The following COL16A1 variants were observed in gnomAD, a reference collection of about 807,000 sequenced individuals.
The protein encoded by COL16A1 is collagen type XVI alpha 1 chain, also known as collagen alpha-1(XVI) chain.
COL16A1 carries 189 observed loss-of-function variants against 266.3 expected under a neutral mutation model. The observed-to-expected ratio is 0.71, with a 90% confidence interval of 0.63 to 0.80. COL16A1 has a LOEUF of 0.80. Ranked by LOEUF, COL16A1 falls within the 30% of genes least tolerant of loss-of-function variation. The probability of loss-of-function intolerance (pLI) is 0.00; values close to 1 mark genes in which losing one functional copy is unlikely to be tolerated. For synonymous variants in COL16A1, 740 were observed against 782.3 expected, an observed-to-expected ratio of 0.95 and a Z score of 0.90; for missense variants, 1,928 against 2,122.4, an observed-to-expected ratio of 0.91 and a Z score of 1.80.
intron 44 of COL16A1, among the ~76,000 whole-genome samples, chr1:31,673,480 C>T (rs1456659066): frequency 1.3e-5 from 2 of 152,328 alleles, no homozygotes; most frequent in East Asian, 1.9e-4. Flanking sequence ...CTCAGGAGCC[C>T]GGAGCCTGTT....
In COL16A1 at chr1:31,668,767, C is replaced by T. The variant is rs778563299; in HGVS notation, c.3249+35G>A. 3.1e-6 allele frequency: 5 copies of T among 1,613,082 alleles called. No homozygotes were observed. In the Admixed American group the frequency reaches 8.3e-5, roughly 27 times the overall value. ...TGCCTCCCCAGCTCTTCCTCCCTTT[C>T]CAGCCCTTTCCAGCCCCTGCCAGCT... On this transcript the variant is annotated intron_variant, in intron 50 of 70. Transcript: ENST00000373672. The surrounding 1 kb of genome is among the most constrained non-coding windows in gnomAD (Gnocchi z 5.8).
Position 31,663,497 on chromosome 1 carries a change from G to C in COL16A1, c.3556-839C>G, listed in dbSNP as rs926420884. On this transcript the variant is annotated intron_variant, in intron 56 of 70. Coordinates refer to ENST00000373672, the MANE Select transcript of COL16A1 (RefSeq NM_001856.4). The surrounding 1 kb of genome is among the most constrained non-coding windows in gnomAD (Gnocchi z 4.9). ...CAGAAGAGGCTGGAAGAGTCACCAT[G>C]ATGAGTGGGGGCCCTGAACGCTGTG... is the stretch of plus-strand genomic sequence containing the variant. 2 of 152,264 alleles carry C rather than the reference G, an allele frequency of 1.3e-5. No homozygotes were observed. Among genetic ancestry groups the C allele is most frequent in the Non-Finnish European group, 2.9e-5 (2 of 68,116 alleles). 9.4% of individuals were successfully genotyped at this position (152,264 alleles called of 1,614,324 possible). A position where few individuals can be genotyped will look rare whatever the true frequency, so the allele number is the denominator to read the frequency against.
chr1:31,659,765 AAG>A (rs916555735), intron 62 of COL16A1: 3 of 152,104 alleles, frequency 2.0e-5, no homozygotes, highest in African/African-American at 4.8e-5. Flanking sequence ...GGACACACGG[AAG>A]AGAGAGGCGG....
chr1:31,669,842 G>A (rs546455887), intron 49 of COL16A1: 4 of 152,546 alleles, frequency 2.6e-5, no homozygotes, highest in South Asian at 2.1e-4. Flanking sequence ...AGCAATTAAC[G>A]ACACCTGGCA....
At position 31,683,735 on chromosome 1, in the gene COL16A1, G is replaced by A. The variant is rs1643817015; in HGVS notation, c.2351C>T (p.Pro784Leu). The stretch of plus-strand genomic sequence containing the variant: ...GGGTCCCTGGACTCCCCTTCCTGGA[G>A]GCCCTGGCTCTCCCTGAAGAGGCAG... ...GLKGVQGEPG[P>L]PGRGVQGPQG... Residue 784 changes from proline (P) to leucine (L), a missense_variant, in exon 34 of 71, where the codon CCT (proline) becomes CTT (leucine). Pro to Leu is a moderately conservative substitution (Grantham distance 98, BLOSUM62 -3). Transcript: ENST00000373672. 6.2e-7 allele frequency: 1 copy of A among 1,614,126 alleles called. No individual in the cohort carries two copies. Among genetic ancestry groups the A allele is most frequent in the Non-Finnish European group, 8.5e-7 (1 of 1,180,010 alleles).
chr1:31,679,729 C>A, intron 41 of COL16A1, 44 bp from the exon 42 acceptor site: 6 of 1,612,064 alleles, frequency 3.7e-6, no homozygotes, highest in Non-Finnish European at 5.1e-6. Context: ...AGAGCTCTGC[C>A]CCATGGCCGA....
Position 31,670,585 on chromosome 1 carries a change from C to A in COL16A1, c.3195+17G>T. On this transcript the variant is annotated intron_variant, in intron 49 of 70. Coordinates refer to ENST00000373672, the MANE Select transcript of COL16A1 (RefSeq NM_001856.4). This position sits in a 1 kb window ranked among gnomAD's most constrained non-coding sequence, Gnocchi z 4.5. ...CTGACGGGGGGGAGGGGAGGTCGAGCAGCGCTAGGTTCTTACAGGCAATCC... is the reference window on the plus strand; with the variant it reads ...CTGACGGGGGGGAGGGGAGGTCGAGAAGCGCTAGGTTCTTACAGGCAATCC... 1 of 1,374,416 alleles carries A rather than the reference C, an allele frequency of 7.3e-7. No homozygotes were observed. The highest frequency in any genetic ancestry group is 9.4e-7 in the Non-Finnish European group (1 of 1,060,472). The allele number at this position is 1,374,416 out of a possible 1,614,324, so 85.1% of individuals were successfully genotyped here.
Position 31,702,329 on chromosome 1 carries a change from T to C in COL16A1, c.-34-102A>G, listed in dbSNP as rs569420238. ...AGCCTGTGGGGCCCAGGCACTGGTA[T>C]TGGGGTGGCAGGAGGTCTGGCCAGG... On this transcript the variant is annotated intron_variant, in intron 1 of 70. Transcript: ENST00000373672. 470 of 1,239,912 alleles carry C rather than the reference T, an allele frequency of 3.8e-4. 3 individuals carry two copies. The African/African-American group carries it at 5.7e-3, about 15-fold the overall frequency. 76.8% of individuals were successfully genotyped at this position (1,239,912 alleles called of 1,614,324 possible). A position where few individuals can be genotyped will look rare whatever the true frequency, so the allele number is the denominator to read the frequency against.
intron 64 of COL16A1, among the ~76,000 whole-genome samples, chr1:31,658,069 C>T (rs778142468): frequency 2.0e-5 from 3 of 152,252 alleles, no homozygotes; most frequent in Admixed American, 6.5e-5. Flanking sequence ...GATATATCAG[C>T]GCTCTTAGTG....
In COL16A1 at chr1:31,685,230, G is replaced by GTGA. The variant is rs1013621508; in HGVS notation, c.2017-377_2017-375dup. Among the ~76,000 whole-genome samples, 1 of 152,198 alleles carries GTGA rather than the reference G, an allele frequency of 6.6e-6. No individual in the cohort carries two copies. Among genetic ancestry groups the GTGA allele is most frequent in the African/African-American group, 2.4e-5 (1 of 41,430 alleles). ...GGCCGTTACTGTGAAAGCAGTAACA[G>GTGA]TGATAATAACCACAGTGGTAACTGC... is the stretch of plus-strand genomic sequence containing the variant. On this transcript the variant is annotated intron_variant, in intron 29 of 70. Coordinates refer to ENST00000373672, the MANE Select transcript of COL16A1 (RefSeq NM_001856.4). This position sits in a 1 kb window ranked among gnomAD's most constrained non-coding sequence, Gnocchi z 4.0.
chr1:31,665,640 A>G, intron 54 of COL16A1, 22 bp from the exon 55 acceptor site: 1 of 1,612,242 alleles, frequency 6.2e-7, no homozygotes, highest in Non-Finnish European at 8.5e-7. Flanking sequence ...AGCAAGGGGC[A>G]GTGTGCTGTG....
intron 64 of COL16A1, 111 bp downstream of exon 64, chr1:31,658,377 C>A (rs1319739095): frequency 2.1e-6 from 2 of 936,960 alleles, no homozygotes; most frequent in Middle Eastern, 2.1e-4. Context: ...TCCTGCCATG[C>A]TGACAGCCTC....
chr1:31,680,150 T>C (rs1473281593), intron 39 of COL16A1, 49 bp from the exon 40 acceptor site: 1 of 1,595,054 alleles, frequency 6.3e-7, no homozygotes, highest in Non-Finnish European at 8.5e-7. Flanking sequence ...CGAAGGGCTC[T>C]CTTGAAATGG....
Position 31,698,565 on chromosome 1 carries a change from A to C in COL16A1, c.308T>G (p.Val103Gly), listed in dbSNP as rs1434809991. ...PRGLPEEFAL[V>G]LTLLLKKHTH... is the part of the protein sequence containing the mutation. ...GTGTTTCTTCAGCAGTAGTGTCAGC[A>C]CCAGGGCAAACTCCTCCGGGAGACC... The change falls in exon 5 of 71, where the codon GTG becomes GGG. Residue 103 changes from valine (V) to glycine (G), a missense_variant. Val to Gly is a moderately radical substitution (Grantham distance 109, BLOSUM62 -3). Coordinates refer to ENST00000373672, the MANE Select transcript of COL16A1 (RefSeq NM_001856.4). This position sits in a 1 kb window ranked among gnomAD's most constrained non-coding sequence, Gnocchi z 4.1. The C allele has an allele frequency of 6.2e-7, 1 of 1,614,022 alleles. No individual in the cohort carries two copies. The highest frequency in any genetic ancestry group is 2.2e-5 in the East Asian group (1 of 44,868).
At chr1:31,696,179 G>A (rs1299461949) in intron 8 of COL16A1, 38 bp from the exon 9 acceptor site, 1 of 1,600,314 alleles carries the variant, frequency 6.2e-7, no homozygotes. Flanking sequence ...TTGAGGAGGG[G>A]GAAGTTCTGG....
chr1:31,666,774 C>G (rs769063064), intron 52 of COL16A1, among the ~76,000 whole-genome samples: 15 of 152,134 alleles, frequency 9.9e-5, no homozygotes, highest in Non-Finnish European at 1.9e-4. Flanking sequence ...CTCAGAGAGG[C>G]CTTCCTGCCC....
At chr1:31,696,550 C>G (rs1300951030) in intron 8 of COL16A1, among the ~76,000 whole-genome samples, 2 of 152,244 alleles carry the variant, frequency 1.3e-5, no homozygotes, top group African/African-American at 4.8e-5. Context: ...CTGGCCCTGG[C>G]CGGCGCTGGG....
chr1:31,679,914 C>G, intron 40 of COL16A1, 63 bp from the exon 41 acceptor site: 2 of 1,532,746 alleles, frequency 1.3e-6, no homozygotes, highest in Non-Finnish European at 1.8e-6. Flanking sequence ...ACACCAAGCG[C>G]GGGGCTGCGT....
intron 44 of COL16A1, among the ~76,000 whole-genome samples, chr1:31,673,754 G>A (rs1005807204): frequency 6.6e-6 from 1 of 152,282 alleles, no homozygotes; most frequent in African/African-American, 2.4e-5. Flanking sequence ...GGATTGGCGT[G>A]GGCCTGTCCT....
Sources: gnomAD v4.1 joint callset for allele counts (sites outside exome capture counted in the v4.1 genomes callset) on GRCh38, gnomAD v4.1.1 for gene constraint, Gnocchi (gnomAD v3.1) non-coding constraint, MANE v1.5 for transcripts, NCBI Gene and HGNC (gene_info 2026-07-23, HGNC 2026-07-21) for gene names.